Variants in GPHN observed in about 807,000 individuals in gnomAD.
GPHN encodes the protein gephyrin.
In GPHN, 17 loss-of-function variants were observed where a neutral mutation model predicts 95.5. The ratio of observed to expected loss-of-function variants is 0.18; its 90% CI spans 0.12 to 0.27. The LOEUF is 0.27. Among genes scored for constraint, GPHN ranks in the 10% least tolerant of loss-of-function variants. The probability of loss-of-function intolerance (pLI) is 1.00; values close to 1 mark genes in which losing one functional copy is unlikely to be tolerated. For missense variants in GPHN, 660 were observed against 978.1 expected, an observed-to-expected ratio of 0.67 and a Z score of 4.34; for synonymous variants, 320 against 322.5, an observed-to-expected ratio of 0.99 and a Z score of 0.08.
At chr14:66,737,026 T>C (rs1159032789) in intron 2 of GPHN, among the ~76,000 whole-genome samples, 1 of 152,238 alleles carries the variant, frequency 6.6e-6, no homozygotes, top group Non-Finnish European at 1.5e-5. Context: ...GTTTCATTCA[T>C]GGGAACCCTG....
chr14:66,828,140 A>G (rs1596045196), intron 4 of GPHN, among the ~76,000 whole-genome samples: 1 of 152,008 alleles, frequency 6.6e-6, no homozygotes, highest in South Asian at 2.1e-4. Flanking sequence ...TTCATATTTT[A>G]TATGTATATA....
chr14:67,280,837 TTCCTTCCTTCCTTCCTTCCCTCCC>T, the GPHN span, among the ~76,000 whole-genome samples: 23 of 133,518 alleles, frequency 1.7e-4, no homozygotes, highest in African/African-American at 6.0e-4. Context: ...CCTTCCTTCC[TTCCTTCCTTCCTTCCTTCCCTCCC>T]TCCCTCCCTC....
the GPHN span, among the ~76,000 whole-genome samples, chr14:67,558,731 G>A: frequency 0.047 from 7,205 of 152,258 alleles, 269 homozygotes; most frequent in Non-Finnish European, 0.068. Flanking sequence ...CATAGCCTTA[G>A]TTGCCACAGA....
At chr14:66,689,513 T>C (rs1219858970) in intron 2 of GPHN, among the ~76,000 whole-genome samples, 1 of 152,212 alleles carries the variant, frequency 6.6e-6, no homozygotes, top group Non-Finnish European at 1.5e-5. Flanking sequence ...TCTGTAGTTT[T>C]TGCATTTGAG....
intron 11 of GPHN, among the ~76,000 whole-genome samples, chr14:67,069,147 A>G (rs2076182805): frequency 6.6e-6 from 1 of 152,238 alleles, no homozygotes; most frequent in Admixed American, 6.5e-5. Context: ...CCTCCTATGC[A>G]AAATGGAAAT....
chr14:67,632,860 G>T, the GPHN span, among the ~76,000 whole-genome samples: 3 of 110,458 alleles, frequency 2.7e-5, no homozygotes, highest in East Asian at 8.9e-4. Flanking sequence ...TCGCTCTATC[G>T]CTCAGGCTGG....
intron 21 of GPHN, among the ~76,000 whole-genome samples, chr14:67,172,371 G>C (rs974703558): frequency 8.5e-5 from 13 of 152,092 alleles, no homozygotes; most frequent in South Asian, 2.1e-4. Flanking sequence ...AGCCTAAGTT[G>C]AGCCAGCACC....
chr14:67,395,533 G>A, the GPHN span: 31 of 1,614,162 alleles, frequency 1.9e-5, no homozygotes, highest in Non-Finnish European at 2.5e-5. Flanking sequence ...CTCGAGAACA[G>A]GCCTCCAGGA....
At chr14:66,582,500 C>T (rs1297603291) in intron 1 of GPHN, among the ~76,000 whole-genome samples, 2 of 151,972 alleles carry the variant, frequency 1.3e-5, no homozygotes, top group African/African-American at 4.8e-5. Context: ...CATCATTTAG[C>T]ATTAGGTATA....
the GPHN span, chr14:67,621,040 A>G: frequency 7.2e-7 from 1 of 1,388,792 alleles, no homozygotes; most frequent in Non-Finnish European, 1.0e-6. Flanking sequence ...TCTGACATCC[A>G]GGGACTACAC....
chr14:67,599,950 ACCAAAGACC>A, the GPHN span: 13 of 1,322,744 alleles, frequency 9.8e-6, no homozygotes, highest in Admixed American at 5.0e-5. Context: ...TCCGGGCTCG[ACCAAAGACC>A]CCAAAGACCC....
At chr14:66,796,445 A>T (rs8008773) in intron 3 of GPHN, among the ~76,000 whole-genome samples, 48,526 of 151,874 alleles carry the variant, frequency 0.32, 12,186 homozygotes, top group African/African-American at 0.68. Flanking sequence ...TTCTTCATAG[A>T]GTTTGTAATA....
chr14:67,237,872 CAG>C, the GPHN span, among the ~76,000 whole-genome samples: 1,162 of 152,246 alleles, frequency 7.6e-3, 14 homozygotes, highest in African/African-American at 0.025. Flanking sequence ...GCCCTTCTGA[CAG>C]GGGGGTTTAA....
At chr14:67,213,996 A>G in the GPHN span, among the ~76,000 whole-genome samples, 1 of 152,096 alleles carries the variant, frequency 6.6e-6, no homozygotes, top group African/African-American at 2.4e-5. Flanking sequence ...TCCTTCGCCC[A>G]CTTTTTGATG....
intron 2 of GPHN, among the ~76,000 whole-genome samples, chr14:66,719,980 A>AT (rs757435175): frequency 4.3e-4 from 65 of 152,040 alleles, no homozygotes; most frequent in Non-Finnish European, 8.5e-4. Flanking sequence ...CAATTATCTT[A>AT]TTTTTTATTG....
chr14:67,116,088 G>A (rs1032593104), intron 16 of GPHN, among the ~76,000 whole-genome samples: 3 of 152,028 alleles, frequency 2.0e-5, no homozygotes, highest in African/African-American at 7.3e-5. Context: ...GATCACTTGA[G>A]GCTAGGAGTT....
the GPHN span, among the ~76,000 whole-genome samples, chr14:67,722,099 C>T: frequency 6.6e-6 from 1 of 152,154 alleles, no homozygotes. Flanking sequence ...GAGTTCCAGT[C>T]ATCTCCCTCC....
In GPHN at chr14:66,528,036, T is replaced by G. The variant is rs186629161; in HGVS notation, c.64+19445T>G. Reference sequence around the variant, plus strand: ...TGAATAACCTTGTTAATTTTCTGTCTCGTTGATCTGTCTAATATTGACAGT... The same window carrying G: ...TGAATAACCTTGTTAATTTTCTGTCGCGTTGATCTGTCTAATATTGACAGT... On this transcript the variant is annotated intron_variant, in intron 1 of 22. Coordinates refer to ENST00000478722, the MANE Select transcript of GPHN (RefSeq NM_020806.5). 5.0e-3 allele frequency among the ~76,000 whole-genome samples: 761 copies of G among 152,286 alleles called. 4 individuals are homozygous for G. Among genetic ancestry groups the G allele is most frequent in the Admixed American group, 9.9e-3 (152 of 15,298 alleles).
the GPHN span, among the ~76,000 whole-genome samples, chr14:67,415,036 AG>A: frequency 6.6e-6 from 1 of 152,186 alleles, no homozygotes; most frequent in Admixed American, 6.5e-5. Flanking sequence ...CTGCAGTGAG[AG>A]GGGGGCTGCA....
Sources: gnomAD v4.1 joint callset for allele counts (sites outside exome capture counted in the v4.1 genomes callset) on GRCh38, gnomAD v4.1.1 for gene constraint, MANE v1.5 for transcripts, NCBI Gene and HGNC (gene_info 2026-07-23, HGNC 2026-07-21) for gene names.